SNRPN: variants seen among roughly 807,000 people sequenced by gnomAD.
SNRPN encodes the protein small nuclear ribonucleoprotein polypeptide N, also known as small nuclear ribonucleoprotein-associated protein N.
Under a neutral mutation model 25.2 loss-of-function variants are expected in SNRPN, and 7 were observed. The observed-to-expected ratio is 0.28, with a 90% CI of 0.16 to 0.52. SNRPN has a LOEUF of 0.52. SNRPN is among the 20% of genes least tolerant of loss of function. The probability of loss-of-function intolerance (pLI) is 0.96; values close to 1 mark genes in which losing one functional copy is unlikely to be tolerated. For synonymous variants in SNRPN, 124 were observed against 110.6 expected (o/e 1.12, Z -0.76); for missense variants, 196 against 322.5 (o/e 0.61, Z 3.00).
intron 1 of SNRPN, among the ~76,000 whole-genome samples, chr15:24,958,241 CA>C (rs2063232546): frequency 6.6e-6 from 1 of 152,022 alleles, no homozygotes; most frequent in Non-Finnish European, 1.5e-5. Flanking sequence ...TCAAGGATGC[CA>C]AGATAACCTC....
intron 2 of SNRPN, among the ~76,000 whole-genome samples, chr15:24,967,685 G>C (rs183425416): frequency 6.6e-6 from 1 of 150,980 alleles, no homozygotes; most frequent in African/African-American, 2.4e-5. Flanking sequence ...GTAGGTGCCT[G>C]TAATCCCAGC....
intron 1 of SNRPN, among the ~76,000 whole-genome samples, chr15:24,880,786 C>T (rs1385602824): frequency 1.3e-5 from 2 of 151,772 alleles, no homozygotes; most frequent in Non-Finnish European, 2.9e-5. Context: ...CTCTGTTGTC[C>T]AGGCTGGAGT....
At chr15:24,877,622 C>G (rs2056063735) in intron 1 of SNRPN, among the ~76,000 whole-genome samples, 1 of 151,442 alleles carries the variant, frequency 6.6e-6, no homozygotes, top group African/African-American at 2.4e-5. Context: ...GTCAGGAGTT[C>G]AAGACCAGCC....
chr15:24,864,032 A>C (rs573186807), intron 1 of SNRPN, among the ~76,000 whole-genome samples: 1 of 137,702 alleles, frequency 7.3e-6, no homozygotes. Flanking sequence ...TTTTATTATT[A>C]TTTTTTTTTT....
intron 1 of SNRPN, among the ~76,000 whole-genome samples, chr15:24,874,597 T>C (rs929760566): frequency 6.6e-6 from 1 of 152,186 alleles, no homozygotes; most frequent in Non-Finnish European, 1.5e-5. Flanking sequence ...AAAAACAAAG[T>C]TTGCCAGAAT....
intron 1 of SNRPN, among the ~76,000 whole-genome samples, chr15:24,858,986 C>T (rs2053723070): frequency 6.6e-6 from 1 of 152,016 alleles, no homozygotes; most frequent in Non-Finnish European, 1.5e-5. Flanking sequence ...GAGACTAGCT[C>T]TCTAGCTCAT....
At chr15:24,865,236 A>G (rs2054463031) in intron 1 of SNRPN, among the ~76,000 whole-genome samples, 1 of 151,900 alleles carries the variant, frequency 6.6e-6, no homozygotes, top group Non-Finnish European at 1.5e-5. Flanking sequence ...TAGTAGAGAC[A>G]GGGTTTCACC....
intron 2 of SNRPN, chr15:24,849,859 T>C (rs79680858): frequency 1.3e-5 from 2 of 152,324 alleles, no homozygotes; most frequent in East Asian, 1.9e-4. Context: ...TTTATACTTA[T>C]TGAAAAAATC....
At chr15:24,888,017 T>G (rs944536077) in intron 2 of SNRPN, among the ~76,000 whole-genome samples, 1 of 152,202 alleles carries the variant, frequency 6.6e-6, no homozygotes, top group Non-Finnish European at 1.5e-5. Flanking sequence ...TATTAGTTAA[T>G]GTCACTGAAC....
intron 2 of SNRPN, among the ~76,000 whole-genome samples, chr15:24,917,654 C>T (rs1051853071): frequency 6.6e-6 from 1 of 152,242 alleles, no homozygotes; most frequent in Non-Finnish European, 1.5e-5. Context: ...GGGCCAAACC[C>T]GCCCTGGTCT....
intron 1 of SNRPN, among the ~76,000 whole-genome samples, chr15:24,961,183 T>C (rs921351412): frequency 6.6e-6 from 1 of 152,162 alleles, no homozygotes; most frequent in Non-Finnish European, 1.5e-5. Flanking sequence ...TGTATAAAAT[T>C]TTACCATTTA....
At chr15:24,900,839 T>C (rs1374120155) in intron 2 of SNRPN, among the ~76,000 whole-genome samples, 1 of 152,182 alleles carries the variant, frequency 6.6e-6, no homozygotes, top group African/African-American at 2.4e-5. Context: ...CTCACACCTA[T>C]AATCCCAGCA....
rs540776442 is a variant in SNRPN at position 24,873,330 on chromosome 15, C to CTT, written c.-578-13173_-578-13172dup. Among the ~76,000 whole-genome samples the CTT allele has an allele frequency of 8.5e-5, 9 of 105,818 alleles. 2 individuals are homozygous for CTT. The highest frequency in any genetic ancestry group is 1.3e-4 in the African/African-American group (4 of 31,330). 69.4% of individuals were successfully genotyped at this position (105,818 alleles called of 152,430 possible). The stretch of plus-strand genomic sequence containing the variant: ...CAAGACTCTTCTTTTGTTTTTGTTT[C>CTT]TTTTTTTTTTTTTTGAAACGGAGTA... On this transcript the variant is annotated intron_variant, in intron 1 of 11. Transcript: ENST00000400097.
upstream of SNRPN, among the ~76,000 whole-genome samples, chr15:24,951,789 T>C (rs1350323866): frequency 6.6e-6 from 1 of 152,210 alleles, no homozygotes; most frequent in Non-Finnish European, 1.5e-5. Context: ...ATTACACTTA[T>C]GAGTCACTGC....
chr15:24,975,241 A>C (rs1453667643), intron 4 of SNRPN, 117 bp from the exon 5 acceptor site: 1 of 753,918 alleles, frequency 1.3e-6, no homozygotes, highest in Non-Finnish European at 2.2e-6. Flanking sequence ...AGGAGAGAAT[A>C]TTTGTTTAGT....
intron 2 of SNRPN, among the ~76,000 whole-genome samples, chr15:24,914,285 C>T (rs538558708): frequency 1.1e-4 from 16 of 152,262 alleles, no homozygotes; most frequent in Admixed American, 3.3e-4. Context: ...TGCAGCCCAA[C>T]GGTGAGGAAA....
intron 2 of SNRPN, among the ~76,000 whole-genome samples, chr15:24,964,250 A>AAT (rs1395255355): frequency 1.8e-4 from 28 of 152,060 alleles, no homozygotes; most frequent in Non-Finnish European, 4.0e-4. Context: ...TGTGTAATAT[A>AAT]ATTTGTCCTT....
intron 5 of SNRPN, 28 bp from the exon 6 acceptor site, chr15:24,976,262 ATCACTAAAATTTATC>A (rs1566976493): frequency 7.1e-7 from 1 of 1,407,044 alleles, no homozygotes; most frequent in East Asian, 2.3e-5. Flanking sequence ...TGAGTGAGTG[ATCACTAAAATTTATC>A]TCACTAAAAT....
chr15:24,834,751 CTATATATATATATA>C (rs796257838), intron 2 of SNRPN, among the ~76,000 whole-genome samples: 1 of 60,956 alleles, frequency 1.6e-5, no homozygotes, highest in African/African-American at 5.9e-5. Flanking sequence ...CTCTCTCTCT[CTATATATATATATA>C]TATATATATA....
Sources: gnomAD v4.1 joint callset for allele counts (sites outside exome capture counted in the v4.1 genomes callset) on GRCh38, gnomAD v4.1.1 for gene constraint, MANE v1.5 for transcripts, NCBI Gene and HGNC (gene_info 2026-07-23, HGNC 2026-07-21) for gene names.